Variants in GATA5 observed in about 807,000 individuals in gnomAD.
GATA5 encodes the protein GATA binding protein 5.
GATA5 carries 27 observed loss-of-function variants against 35.0 expected under a neutral mutation model. That is an observed-to-expected ratio of 0.77 (90% CI 0.57 to 1.06). The LOEUF is 1.06. Among genes scored for constraint, GATA5 ranks in the 50% least tolerant of loss-of-function variants. The pLI is 0.00. For missense variants in GATA5, 612 were observed against 580.0 expected (o/e 1.06, Z -0.57); for synonymous variants, 306 against 267.8 (o/e 1.14, Z -1.39).
rs1989532694 is a variant in GATA5, at chr20:62,464,690, C to CA, written c.*145dup. 1.4e-6 allele frequency: 1 copy of CA among 709,532 alleles called. No individual in the cohort carries two copies. The highest frequency in any genetic ancestry group is 2.2e-6 in the Non-Finnish European group (1 of 446,976). 44.0% of individuals were successfully genotyped at this position (709,532 alleles called of 1,614,324 possible). On this transcript the variant is annotated 3_prime_UTR_variant, in exon 7 of 7. Transcript: ENST00000252997. Reference sequence around the variant, plus strand: ...CTGCCGTCTGTCCAGAAGGCCTCCCCACCACTGTGTGGAGACTCCAGCAGA... The same window carrying CA: ...CTGCCGTCTGTCCAGAAGGCCTCCCCAACCACTGTGTGGAGACTCCAGCAGA...
chr20:62,466,385 G>A, intron 4 of GATA5, 41 bp downstream of exon 4: 1 of 1,545,260 alleles, frequency 6.5e-7, no homozygotes, highest in Admixed American at 1.9e-5. Context: ...CTAGGAGGCT[G>A]GACAGAGGCC....
At position 62,464,325 on chromosome 20, in the gene GATA5, TC is replaced by T. The variant is rs1463287986; in HGVS notation, c.*510del. Reference sequence around the variant, plus strand: ...GTTCTCTGCACCACAGCTCCGTCTATCCATGTGGGCAATGAAGGACAGCCCC... The same window carrying T: ...GTTCTCTGCACCACAGCTCCGTCTATCATGTGGGCAATGAAGGACAGCCCC... On this transcript the variant is annotated 3_prime_UTR_variant, in exon 7 of 7. Coordinates refer to ENST00000252997, the MANE Select transcript of GATA5 (RefSeq NM_080473.5). 1 of 152,444 alleles carries T rather than the reference TC, an allele frequency of 6.6e-6. No homozygotes were observed. Among genetic ancestry groups the T allele is most frequent in the African/African-American group, 2.4e-5 (1 of 41,436 alleles). 9.4% of individuals were successfully genotyped at this position (152,444 alleles called of 1,614,324 possible). A position where few individuals can be genotyped will look rare whatever the true frequency, so the allele number is the denominator to read the frequency against.
intron 2 of GATA5, 145 bp downstream of exon 2, chr20:62,474,854 C>T (rs945908757): frequency 2.7e-5 from 16 of 592,056 alleles, no homozygotes; most frequent in Admixed American, 1.7e-4. Flanking sequence ...CAGGTTTACT[C>T]GTCTCGCCCC....
chr20:62,466,410 C>T lies in GATA5; in HGVS notation c.825+16G>A, dbSNP rs371049593. On this transcript the variant is annotated intron_variant, in intron 4 of 6. Transcript: ENST00000252997. ...GGACAGAGGCCTCCCCGCCCTGCCC[C>T]GGGGACCACACTCACCCCGTGCAGC... The T allele has an allele frequency of 1.5e-4, 236 of 1,571,736 alleles. No homozygotes were observed. The highest frequency in any genetic ancestry group is 2.2e-4 in the Admixed American group (12 of 54,834).
Position 62,475,271 on chromosome 20 carries a change from G to C in GATA5, c.251C>G (p.Ala84Gly). Reference protein sequence around the residue: ...AFGPGSPHPPAAHPPGATAFP... With the variant: ...AFGPGSPHPPGAHPPGATAFP... ...GGCGGTGGCCCCGGGCGGGTGCGCG[G>C]CTGGGGGGTGCGGACTGCCCGGGCC... Residue 84 changes from alanine (A) to glycine (G), a missense_variant, in exon 2 of 7, where the codon GCC becomes GGC. Physicochemically the swap from Ala to Gly is moderately conservative, Grantham distance 60. Transcript: ENST00000252997. 1 of 1,246,424 alleles carries C rather than the reference G, an allele frequency of 8.0e-7. No individual in the cohort carries two copies. The highest frequency in any genetic ancestry group is 4.2e-5 in the Admixed American group (1 of 23,668). The allele number at this position is 1,246,424 out of a possible 1,614,324, so 77.2% of individuals were successfully genotyped here.
intron 3 of GATA5, among the ~76,000 whole-genome samples, chr20:62,471,332 C>T (rs959055498): frequency 8.6e-5 from 13 of 151,198 alleles, no homozygotes; most frequent in Admixed American, 3.3e-4. Flanking sequence ...TGCAGTCTCA[C>T]GGGAGCTGGG....
At chr20:62,475,829 C>A (rs1190108164) in intron 1 of GATA5, 101 bp downstream of exon 1, 3 of 239,366 alleles carry the variant, frequency 1.3e-5, no homozygotes, top group African/African-American at 2.2e-5. Context: ...ACGGGCCTGG[C>A]GCGGCCGCAG....
At chr20:62,474,652 C>T (rs554005611) in intron 2 of GATA5, among the ~76,000 whole-genome samples, 1 of 152,360 alleles carries the variant, frequency 6.6e-6, no homozygotes, top group Admixed American at 6.5e-5. Context: ...AATGTGGCCA[C>T]TTAAATAAAC....
At chr20:62,465,245 G>C in intron 6 of GATA5, 95 bp downstream of exon 6, 1 of 1,338,180 alleles carries the variant, frequency 7.5e-7, no homozygotes, top group East Asian at 2.5e-5. Context: ...CCCACCTGCT[G>C]GAAGAGGCTC....
At chr20:62,473,663 AGGAGCCTGGC>A in intron 2 of GATA5, 85 bp from the exon 3 acceptor site, 1 of 1,349,994 alleles carries the variant, frequency 7.4e-7, no homozygotes, top group Non-Finnish European at 1.0e-6. Context: ...TCCCCTCCCC[AGGAGCCTGGC>A]GGCTTTCGTC....
At chr20:62,475,592 C>A in intron 1 of GATA5, 50 bp from the exon 2 acceptor site, 1 of 1,157,028 alleles carries the variant, frequency 8.6e-7, no homozygotes, top group Non-Finnish European at 1.1e-6. Flanking sequence ...CTGCGCCCTC[C>A]GCCAGCGCCC....
rs1989821290 is a variant in GATA5, at chr20:62,475,120, C to A, written c.402G>T (p.Val134=). The part of the protein sequence containing the change: ...EQFAAPLGRP[V]GTSYSATYPA... ...GGTAGGTGGCGGAGTACGAGGTCCC[C>A]ACCGGCCGCCCAAGCGGGGCCGCGA... is the stretch of plus-strand genomic sequence containing the variant. The change falls in exon 2 of 7, where the codon GTG becomes GTT. Residue 134 remains valine (V), a synonymous_variant. Coordinates refer to ENST00000252997, the MANE Select transcript of GATA5 (RefSeq NM_080473.5). 7.2e-7 allele frequency: 1 copy of A among 1,379,802 alleles called. No individual in the cohort carries two copies. Among genetic ancestry groups the A allele is most frequent in the South Asian group, 1.7e-5 (1 of 58,604 alleles). The allele number at this position is 1,379,802 out of a possible 1,614,324, so 85.5% of individuals were successfully genotyped here. A position where few individuals can be genotyped will look rare whatever the true frequency, so the allele number is the denominator to read the frequency against.
At chr20:62,466,819 C>T (rs1008269306) in intron 3 of GATA5, among the ~76,000 whole-genome samples, 2 of 152,226 alleles carry the variant, frequency 1.3e-5, no homozygotes, top group Admixed American at 6.5e-5. Context: ...GGTTCAGAGC[C>T]CGTGGGGGCC....
rs540851411 is a variant in GATA5 at position 62,464,040 on chromosome 20, C to T, written c.*796G>A. 1 of 152,374 alleles carries T rather than the reference C, an allele frequency of 6.6e-6. No individual in the cohort carries two copies. The highest frequency in any genetic ancestry group is 1.5e-5 in the Non-Finnish European group (1 of 68,044). 9.4% of individuals were successfully genotyped at this position (152,374 alleles called of 1,614,324 possible). A position where few individuals can be genotyped will look rare whatever the true frequency, so the allele number is the denominator to read the frequency against. ...GCCCCAGATATGCCAGGACATGTGACCACGTCACCACCAGCCCCAACAGCG... is the reference window on the plus strand; with the variant it reads ...GCCCCAGATATGCCAGGACATGTGATCACGTCACCACCAGCCCCAACAGCG... On this transcript the variant is annotated 3_prime_UTR_variant, in exon 7 of 7. Transcript: ENST00000252997.
At position 62,470,151 on chromosome 20, in the gene GATA5, G is replaced by A. The variant is rs1555896423; in HGVS notation, c.699+3252C>T. Reference sequence around the variant, plus strand: ...TAAGCACCAGGCTCTGTGTGCATCTGAGACATCCAAATAAATCAGGCTCTG... The same window carrying A: ...TAAGCACCAGGCTCTGTGTGCATCTAAGACATCCAAATAAATCAGGCTCTG... On this transcript the variant is annotated intron_variant, in intron 3 of 6. Coordinates refer to ENST00000252997, the MANE Select transcript of GATA5 (RefSeq NM_080473.5). The surrounding 1 kb of genome is among the most constrained non-coding windows in gnomAD (Gnocchi z 4.6). Among the ~76,000 whole-genome samples the A allele has an allele frequency of 6.6e-6, 1 of 152,280 alleles. No homozygotes were observed. Among genetic ancestry groups the A allele is most frequent in the African/African-American group, 2.4e-5 (1 of 41,482 alleles).
intron 4 of GATA5, among the ~76,000 whole-genome samples, chr20:62,466,143 A>T (rs1989581221): frequency 6.6e-6 from 1 of 152,212 alleles, no homozygotes; most frequent in African/African-American, 2.4e-5. Flanking sequence ...GCCAGAAGGC[A>T]CCAGGGGTGC....
chr20:62,473,057 A>AGCTCCTG (rs1989760340), intron 3 of GATA5, among the ~76,000 whole-genome samples: 1 of 152,104 alleles, frequency 6.6e-6, no homozygotes, highest in East Asian at 1.9e-4. Flanking sequence ...CGTAGGGCTG[A>AGCTCCTG]GCTCCTGGCT....
chr20:62,470,945 C>T lies in GATA5; in HGVS notation c.699+2458G>A, dbSNP rs1386646307. ...AGACCAGGGAATGGAGGCCTCATCA[C>T]GCCAAGGGCCCCCATTAGCCCGTCC... On this transcript the variant is annotated intron_variant, in intron 3 of 6. Transcript: ENST00000252997. The surrounding 1 kb of genome is among the most constrained non-coding windows in gnomAD (Gnocchi z 4.6). Among the ~76,000 whole-genome samples, 6 of 152,202 alleles carry T rather than the reference C, an allele frequency of 3.9e-5. No homozygotes were observed. The highest frequency in any genetic ancestry group is 7.2e-5 in the African/African-American group (3 of 41,452).
rs1005087376 is a variant in GATA5 at position 62,470,278 on chromosome 20, A to T, written c.699+3125T>A. Among the ~76,000 whole-genome samples the T allele has an allele frequency of 6.6e-6, 1 of 152,184 alleles. No homozygotes were observed. Among genetic ancestry groups the T allele is most frequent in the Non-Finnish European group, 1.5e-5 (1 of 68,024 alleles). On this transcript the variant is annotated intron_variant, in intron 3 of 6. Coordinates refer to ENST00000252997, the MANE Select transcript of GATA5 (RefSeq NM_080473.5). The surrounding 1 kb of genome is among the most constrained non-coding windows in gnomAD (Gnocchi z 4.6). ...GGAGGGATGAAGCGCACACGCCGGG[A>T]AACACTTTGGAGTAAAGGTGCAGGT...
Sources: gnomAD v4.1 joint callset for allele counts (sites outside exome capture counted in the v4.1 genomes callset) on GRCh38, gnomAD v4.1.1 for gene constraint, Gnocchi (gnomAD v3.1) non-coding constraint, MANE v1.5 for transcripts, NCBI Gene and HGNC (gene_info 2026-07-23, HGNC 2026-07-21) for gene names.